Variants in SHISA6 observed in about 807,000 individuals in gnomAD.
SHISA6 encodes shisa family member 6.
In SHISA6, 22 loss-of-function variants were observed where a neutral mutation model predicts 47.9. That is an observed-to-expected ratio of 0.46 (90% CI 0.33 to 0.66). The LOEUF (loss-of-function observed/expected upper bound fraction) is 0.66, where lower values mean the gene tolerates loss of function less well. SHISA6 is among the 30% of genes least tolerant of loss of function. The pLI is 0.02. For synonymous variants in SHISA6, 388 were observed against 337.8 expected (o/e 1.15, Z -1.63); for missense variants, 680 against 764.6 (o/e 0.89, Z 1.30).
intron 3 of SHISA6, among the ~76,000 whole-genome samples, chr17:11,400,499 A>G (rs1387600451): frequency 1.3e-5 from 2 of 152,072 alleles, no homozygotes. Context: ...GTATCTGTCC[A>G]TTCCCCCAGT....
intron 2 of SHISA6, among the ~76,000 whole-genome samples, chr17:11,287,802 A>G (rs1349046910): frequency 6.9e-6 from 1 of 144,990 alleles, no homozygotes; most frequent in Non-Finnish European, 1.5e-5. Context: ...CTCACTTAAT[A>G]ATATATCACA....
At chr17:11,480,364 T>G (rs1397216933) in intron 3 of SHISA6, among the ~76,000 whole-genome samples, 2 of 151,534 alleles carry the variant, frequency 1.3e-5, no homozygotes, top group East Asian at 3.9e-4. Context: ...CTTAAATACT[T>G]GTTGAGTGAA....
intron 1 of SHISA6, among the ~76,000 whole-genome samples, 181 bp from the exon 2 acceptor site, chr17:11,263,185 C>T (rs976794977): frequency 1.3e-5 from 2 of 152,042 alleles, no homozygotes; most frequent in African/African-American, 4.8e-5. Context: ...GCATGGTAAC[C>T]TTTACCCTGT....
chr17:11,326,290 AAT>A (rs1910890720), intron 2 of SHISA6, among the ~76,000 whole-genome samples: 1 of 151,724 alleles, frequency 6.6e-6, no homozygotes, highest in Non-Finnish European at 1.5e-5. Flanking sequence ...AAAAGCCCTA[AAT>A]AGGGGGATGT....
At chr17:11,409,039 C>T (rs879344895) in intron 3 of SHISA6, among the ~76,000 whole-genome samples, 2 of 152,078 alleles carry the variant, frequency 1.3e-5, no homozygotes, top group South Asian at 2.1e-4. Flanking sequence ...AAGATCAAAA[C>T]GTTAAAAAAC....
intron 3 of SHISA6, among the ~76,000 whole-genome samples, chr17:11,480,286 GT>G (rs2142329732): frequency 6.6e-6 from 1 of 152,058 alleles, no homozygotes; most frequent in Non-Finnish European, 1.5e-5. Flanking sequence ...ATTCTACTTT[GT>G]ATTATTTGTG....
chr17:11,437,211 C>A (rs972736871), intron 3 of SHISA6, among the ~76,000 whole-genome samples: 2 of 152,056 alleles, frequency 1.3e-5, no homozygotes, highest in African/African-American at 4.8e-5. Flanking sequence ...TAATTGATGC[C>A]CTGAAGGATG....
chr17:11,329,796 C>T (rs1454829230), intron 2 of SHISA6, among the ~76,000 whole-genome samples: 8 of 151,926 alleles, frequency 5.3e-5, no homozygotes, highest in South Asian at 2.1e-4. Context: ...TAAAGAAAAT[C>T]GACTTAATAT....
intron 3 of SHISA6, among the ~76,000 whole-genome samples, chr17:11,407,700 T>G (rs1181935772): frequency 6.6e-6 from 1 of 152,130 alleles, no homozygotes; most frequent in East Asian, 1.9e-4. Context: ...GGTTGATGGT[T>G]TCTGAGTCTA....
intron 3 of SHISA6, among the ~76,000 whole-genome samples, chr17:11,549,714 C>T (rs896975320): frequency 2.0e-5 from 3 of 152,206 alleles, no homozygotes; most frequent in Non-Finnish European, 4.4e-5. Flanking sequence ...GACTGCCACT[C>T]TCCAGAAACT....
chr17:11,557,786 C>G lies in SHISA6; in HGVS notation c.1138C>G (p.Arg380Gly). 1 of 1,549,934 alleles carries G rather than the reference C, an allele frequency of 6.5e-7. No homozygotes were observed. The highest frequency in any genetic ancestry group is 8.7e-7 in the Non-Finnish European group (1 of 1,146,166). Reference protein sequence around the residue: ...DKEADEYYMRRRHLPDLAARG... With the variant: ...DKEADEYYMRGRHLPDLAARG... ...GGAGGCTGACGAGTATTACATGAGA[C>G]GGCGGCACCTGCCCGACCTGGCTGC... Residue 380 changes from arginine (R) to glycine (G), a missense_variant, in exon 6 of 6, where the codon CGG becomes GGG. By Grantham distance (125) the Arg-to-Gly change is moderately radical. This residue lies in a region of SHISA6 where 559 missense variants were observed against 674.1 expected (regional missense o/e 0.83). Transcript: ENST00000441885.
chr17:11,376,260 A>G (rs1463156979), intron 2 of SHISA6, among the ~76,000 whole-genome samples: 2 of 152,104 alleles, frequency 1.3e-5, no homozygotes, highest in African/African-American at 2.4e-5. Flanking sequence ...CACCAAGGAA[A>G]AGAAGAGGCA....
intron 2 of SHISA6, among the ~76,000 whole-genome samples, chr17:11,327,108 C>T (rs113685155): frequency 3.9e-5 from 6 of 152,268 alleles, no homozygotes; most frequent in African/African-American, 1.2e-4. Context: ...CAAATAAATG[C>T]TGTTGAGGAT....
intron 2 of SHISA6, among the ~76,000 whole-genome samples, chr17:11,308,975 T>A (rs980417604): frequency 6.6e-6 from 1 of 152,022 alleles, no homozygotes; most frequent in Non-Finnish European, 1.5e-5. Flanking sequence ...GCTTTTTAAA[T>A]TTTTTTTGAG....
chr17:11,311,267 G>A (rs1910327319), intron 2 of SHISA6, among the ~76,000 whole-genome samples: 1 of 128,430 alleles, frequency 7.8e-6, no homozygotes, highest in African/African-American at 3.1e-5. Context: ...GGGAGGCAGA[G>A]CAAGACTTCG....
chr17:11,308,986 A>T (rs1034391865), intron 2 of SHISA6, among the ~76,000 whole-genome samples: 1 of 152,012 alleles, frequency 6.6e-6, no homozygotes, highest in African/African-American at 2.4e-5. Flanking sequence ...TTTTTTTGAG[A>T]CAGGGTCTTG....
chr17:11,246,205 G>C (rs1396420050), intron 1 of SHISA6, among the ~76,000 whole-genome samples: 1 of 151,640 alleles, frequency 6.6e-6, no homozygotes, highest in African/African-American at 2.4e-5. Flanking sequence ...AAAAAAAAAT[G>C]CTTCGCCGGG....
chr17:11,488,131 C>T (rs1916396043), intron 3 of SHISA6, among the ~76,000 whole-genome samples: 1 of 152,152 alleles, frequency 6.6e-6, no homozygotes, highest in Non-Finnish European at 1.5e-5. Flanking sequence ...CCAAGGCCAG[C>T]CCTGTGAGCC....
intron 3 of SHISA6, among the ~76,000 whole-genome samples, chr17:11,462,347 G>C (rs933039465): frequency 6.6e-6 from 1 of 152,160 alleles, no homozygotes; most frequent in Non-Finnish European, 1.5e-5. Context: ...GCTTGTCTGT[G>C]TTCAAAGACC....
Sources: allele counts gnomAD v4.1 joint callset (sites outside exome capture counted in the v4.1 genomes callset), GRCh38; gene constraint gnomAD v4.1.1; regional missense constraint gnomAD v4.1.1; transcripts MANE v1.5; gene names NCBI Gene and HGNC (gene_info 2026-07-23, HGNC 2026-07-21).